TNKS: variants seen among roughly 807,000 people sequenced by gnomAD.
TNKS encodes the protein poly [ADP-ribose] polymerase tankyrase-1.
Under a neutral mutation model 135.8 loss-of-function variants are expected in TNKS, and 72 were observed. The observed-to-expected ratio is 0.53, with a 90% confidence interval of 0.44 to 0.64. TNKS has a LOEUF of 0.64. TNKS is among the 30% of genes least tolerant of loss of function. The pLI is 0.00. For synonymous variants in TNKS, 849 were observed against 649.3 expected (o/e 1.31, Z -4.68); for missense variants, 1,769 against 1,674.0 (o/e 1.06, Z -0.99).
intron 3 of TNKS, among the ~76,000 whole-genome samples, chr8:9,618,242 G>C (rs1339070038): frequency 6.6e-6 from 1 of 152,098 alleles, no homozygotes; most frequent in Non-Finnish European, 1.5e-5. Context: ...CTGCCTGACA[G>C]TCTCTTTTTA....
At position 9,751,800 on chromosome 8, in the gene TNKS, C is replaced by T; in HGVS notation, c.3024C>T (p.Ser1008=). Residue 1008 remains serine, a synonymous_variant, in exon 19 of 27, where the codon TCC becomes TCT. Coordinates refer to ENST00000310430, the MANE Select transcript of TNKS (RefSeq NM_003747.3). ...PLAELAVGGA[S]NAGDGAAGTE... ...CAGAGTTGGCCGTAGGAGGAGCCTC[C>T]AATGCAGGGGATGGCGCCGCGGGAA... 1 of 1,614,108 alleles carries T rather than the reference C, an allele frequency of 6.2e-7. No homozygotes were observed. The highest frequency in any genetic ancestry group is 8.5e-7 in the Non-Finnish European group (1 of 1,180,022).
chr8:9,564,481 G>A (rs913354093), intron 1 of TNKS, among the ~76,000 whole-genome samples: 3 of 152,166 alleles, frequency 2.0e-5, no homozygotes, highest in Admixed American at 1.3e-4. Context: ...TTTTGGAAAG[G>A]AATAAACATG....
At chr8:9,562,670 C>G (rs1797382228) in intron 1 of TNKS, among the ~76,000 whole-genome samples, 1 of 152,128 alleles carries the variant, frequency 6.6e-6, no homozygotes, top group Non-Finnish European at 1.5e-5. Flanking sequence ...CCAATTCAAA[C>G]TCAGAACTAT....
In TNKS at chr8:9,580,256, T is replaced by C. The variant is rs137902255; in HGVS notation, c.771T>C (p.Cys257=). 1.2e-6 allele frequency: 2 copies of C among 1,614,202 alleles called. No homozygotes were observed. The highest frequency in any genetic ancestry group is 1.7e-6 in the Non-Finnish European group (2 of 1,180,030). The part of the protein sequence containing the change: ...DGGLIPLHNA[C]SFGHAEVVSL... ...GTCTCATCCCGCTTCATAATGCCTG[T>C]TCTTTTGGCCATGCTGAGGTTGTGA... Residue 257 remains cysteine, a synonymous_variant, in exon 2 of 27, where the codon TGT becomes TGC. Transcript: ENST00000310430.
intron 17 of TNKS, among the ~76,000 whole-genome samples, chr8:9,744,012 A>G (rs917973735): frequency 1.3e-5 from 2 of 152,130 alleles, no homozygotes; most frequent in African/African-American, 4.8e-5. Flanking sequence ...ATACTTATTT[A>G]CTTTTTTCCC....
intron 1 of TNKS, among the ~76,000 whole-genome samples, chr8:9,566,837 T>G (rs1004104592): frequency 2.0e-5 from 3 of 151,566 alleles, no homozygotes; most frequent in Non-Finnish European, 2.9e-5. Flanking sequence ...CTCGATCTCC[T>G]GCCCTCATGA....
chr8:9,771,485 G>A (rs1019450581), intron 26 of TNKS, among the ~76,000 whole-genome samples: 2 of 140,538 alleles, frequency 1.4e-5, no homozygotes, highest in Non-Finnish European at 3.1e-5. Context: ...AAGGAAGGGG[G>A]AAAGAGATAA....
At chr8:9,711,594 T>C (rs7829542) in intron 11 of TNKS, among the ~76,000 whole-genome samples, 29,314 of 152,092 alleles carry the variant, frequency 0.19, 3,240 homozygotes, top group East Asian at 0.4. Context: ...CATAGTTGTG[T>C]TCTTTTTAAT....
chr8:9,605,463 A>G (rs893746763), intron 2 of TNKS, among the ~76,000 whole-genome samples: 6 of 151,992 alleles, frequency 3.9e-5, no homozygotes, highest in Non-Finnish European at 8.8e-5. Flanking sequence ...TTTTGTGTGG[A>G]CACATGGGTT....
chr8:9,681,001 C>A, intron 5 of TNKS: 3 of 413,622 alleles, frequency 7.3e-6, no homozygotes, highest in Non-Finnish European at 1.3e-5. Flanking sequence ...TTAAGTAAGC[C>A]TTTTCTCTTA....
chr8:9,560,209 G>C (rs1371057833), intron 1 of TNKS, among the ~76,000 whole-genome samples: 4 of 151,938 alleles, frequency 2.6e-5, no homozygotes, highest in Admixed American at 2.0e-4. Flanking sequence ...TTATAGAAAA[G>C]TTTAAATGAG....
chr8:9,659,317 T>C (rs891690656), intron 3 of TNKS, among the ~76,000 whole-genome samples: 1 of 152,112 alleles, frequency 6.6e-6, no homozygotes. Flanking sequence ...TATTCCAAAA[T>C]TGACCACATA....
intron 14 of TNKS, among the ~76,000 whole-genome samples, chr8:9,731,727 G>A (rs1468404016): frequency 1.3e-5 from 2 of 152,048 alleles, no homozygotes; most frequent in African/African-American, 2.4e-5. Flanking sequence ...TCCCATATCA[G>A]TACTTAATAG....
At chr8:9,589,426 G>T (rs976185468) in intron 2 of TNKS, among the ~76,000 whole-genome samples, 1 of 152,212 alleles carries the variant, frequency 6.6e-6, no homozygotes, top group African/African-American at 2.4e-5. Flanking sequence ...GGAAAACCAA[G>T]AATTTTGAAG....
chr8:9,629,674 TTTTG>T (rs923454914), intron 3 of TNKS, among the ~76,000 whole-genome samples: 5 of 152,190 alleles, frequency 3.3e-5, no homozygotes, highest in African/African-American at 9.7e-5. Flanking sequence ...CTCTTTTTGG[TTTTG>T]TTTGTTTGCT....
At chr8:9,665,728 C>G (rs866138101) in intron 3 of TNKS, among the ~76,000 whole-genome samples, 6 of 152,192 alleles carry the variant, frequency 3.9e-5, no homozygotes, top group African/African-American at 1.4e-4. Flanking sequence ...TCTCTGGATA[C>G]TGGAGCATGG....
chr8:9,685,363 C>A (rs1173185317), intron 5 of TNKS, among the ~76,000 whole-genome samples: 2 of 152,128 alleles, frequency 1.3e-5, no homozygotes, highest in South Asian at 2.1e-4. Flanking sequence ...AATAACCATA[C>A]CCTTTCCACA....
chr8:9,772,801 G>C (rs1027265855), intron 26 of TNKS, among the ~76,000 whole-genome samples: 1 of 105,700 alleles, frequency 9.5e-6, no homozygotes, highest in Non-Finnish European at 1.8e-5. Context: ...GAATGTGTGT[G>C]TGTGTGTTTG....
intron 11 of TNKS, among the ~76,000 whole-genome samples, chr8:9,719,954 T>C (rs1427712029): frequency 1.3e-5 from 2 of 152,228 alleles, no homozygotes; most frequent in Non-Finnish European, 2.9e-5. Flanking sequence ...ACTTTGACAG[T>C]CTTTGCTTAC....
Sources: gnomAD v4.1 joint callset for allele counts (sites outside exome capture counted in the v4.1 genomes callset) on GRCh38, gnomAD v4.1.1 for gene constraint, MANE v1.5 for transcripts, NCBI Gene and HGNC (gene_info 2026-07-23, HGNC 2026-07-21) for gene names.